The following FRYL variants were observed in gnomAD, a reference collection of about 807,000 sequenced individuals.
The protein encoded by FRYL is FRY like transcription coactivator.
In FRYL, 150 loss-of-function variants were observed where a neutral mutation model predicts 351.2. The observed-to-expected ratio is 0.43, with a 90% CI of 0.37 to 0.49. FRYL has a LOEUF of 0.49. Among genes scored for constraint, FRYL ranks in the 20% least tolerant of loss-of-function variants. FRYL has a pLI of 0.00. For missense variants in FRYL, 3,036 were observed against 3,619.3 expected (o/e 0.84, Z 4.13); for synonymous variants, 1,153 against 1,257.1 (o/e 0.92, Z 1.75).
rs1724807380 is a variant in FRYL, at chr4:48,521,113, G to T, written c.7624C>A (p.Gln2542Lys). Residue 2542 changes from glutamine to lysine, a missense_variant, in exon 55 of 64, where the codon CAA becomes AAA. Physicochemically the swap from Gln to Lys is moderately conservative, Grantham distance 53 (BLOSUM62 1). Coordinates refer to ENST00000358350, the MANE Select transcript of FRYL (RefSeq NM_015030.2). ...AAAGTTGGGGTCTCATCCCTGATTT[G>T]AAGCACTTCCTCTGTTGTGATGCTG... ...TGSITTEEVL[Q>K]IRDETPTLEA... 1 of 1,613,622 alleles carries T rather than the reference G, an allele frequency of 6.2e-7. No individual in the cohort carries two copies. Among genetic ancestry groups the T allele is most frequent in the African/African-American group, 1.3e-5 (1 of 74,902 alleles).
At chr4:48,616,451 T>C (rs1749451935) in intron 7 of FRYL, among the ~76,000 whole-genome samples, 1 of 152,156 alleles carries the variant, frequency 6.6e-6, no homozygotes, top group Non-Finnish European at 1.5e-5. Context: ...TTAATTCTTA[T>C]GATTCTACAA....
chr4:48,525,196 T>TATATATATATATATATAC (rs759279145), intron 53 of FRYL, among the ~76,000 whole-genome samples: 17 of 133,050 alleles, frequency 1.3e-4, no homozygotes, highest in African/African-American at 3.6e-4. Flanking sequence ...TATATATATA[T>TATATATATATATATATAC]ACACACACTT....
chr4:48,528,649 C>T (rs1022418984), intron 50 of FRYL, among the ~76,000 whole-genome samples: 3 of 151,994 alleles, frequency 2.0e-5, no homozygotes, highest in Non-Finnish European at 4.4e-5. Flanking sequence ...AAAATATACC[C>T]AAAACTCAGA....
At chr4:48,606,276 GAAAA>G (rs1040447059) in intron 10 of FRYL, among the ~76,000 whole-genome samples, 158 bp downstream of exon 10, 4 of 141,770 alleles carry the variant, frequency 2.8e-5, no homozygotes, top group Non-Finnish European at 6.2e-5. Flanking sequence ...CTGTCTCAAG[GAAAA>G]AAAAAAAATT....
intron 7 of FRYL, among the ~76,000 whole-genome samples, chr4:48,611,577 G>GGGA (rs959370859): frequency 6.6e-6 from 1 of 151,688 alleles, no homozygotes; most frequent in Admixed American, 6.6e-5. Context: ...TAGTAGTGCA[G>GGGA]GTCCTCTCCT....
intron 3 of FRYL, among the ~76,000 whole-genome samples, chr4:48,651,622 G>C (rs1318442353): frequency 6.6e-6 from 1 of 152,058 alleles, no homozygotes; most frequent in African/African-American, 2.4e-5. Flanking sequence ...CGAGAGAAAG[G>C]AACACGTTTT....
At chr4:48,577,888 A>C (rs149287777) in intron 23 of FRYL, among the ~76,000 whole-genome samples, 2,749 of 151,720 alleles carry the variant, frequency 0.018, 77 homozygotes, top group African/African-American at 0.062. Context: ...TAAAAAAAAA[A>C]CAAAAAACAA....
chr4:48,584,636 G>A (rs1458062358), intron 19 of FRYL, among the ~76,000 whole-genome samples: 3 of 152,184 alleles, frequency 2.0e-5, no homozygotes, highest in African/African-American at 7.2e-5. Context: ...CCATGAATAT[G>A]TAAATATCTA....
At position 48,561,592 on chromosome 4, in the gene FRYL, A is replaced by T; in HGVS notation, c.3741T>A (p.Val1247=). 1 of 1,612,348 alleles carries T rather than the reference A, an allele frequency of 6.2e-7. No individual in the cohort carries two copies. The highest frequency in any genetic ancestry group is 1.1e-5 in the South Asian group (1 of 90,792). Residue 1247 remains valine, a synonymous_variant, in exon 33 of 64, where the codon GTT becomes GTA. Transcript: ENST00000358350. The stretch of plus-strand genomic sequence containing the variant: ...GGCTGAGTACTCCATCTGTTCTCTG[A>T]ACCTCCAATTTGTGAGCATAGCGAA... ...KMFRYAHKLE[V]QRTDGVLSQL...
At chr4:48,511,420 T>TA (rs1722440605) in intron 57 of FRYL, among the ~76,000 whole-genome samples, 2 of 152,188 alleles carry the variant, frequency 1.3e-5, no homozygotes, top group African/African-American at 4.8e-5. Context: ...GTCATAAAAA[T>TA]GTATTAAGAG....
intron 3 of FRYL, chr4:48,653,575 A>G: frequency 4.6e-6 from 2 of 431,456 alleles, no homozygotes; most frequent in Non-Finnish European, 7.9e-6. Context: ...CTTACTGATT[A>G]CCATTCAAGA....
At chr4:48,581,046 T>G in intron 21 of FRYL, 95 bp from the exon 22 acceptor site, 1 of 278,830 alleles carries the variant, frequency 3.6e-6, no homozygotes, top group Non-Finnish European at 6.2e-6. Context: ...TCAGCACTAT[T>G]TTTTTTTTTT....
Position 48,540,009 on chromosome 4 carries a change from T to G in FRYL, c.6355A>C (p.Thr2119Pro), listed in dbSNP as rs752188535. The G allele has an allele frequency of 6.2e-7, 1 of 1,613,358 alleles. No individual in the cohort carries two copies. The highest frequency in any genetic ancestry group is 1.7e-5 in the Admixed American group (1 of 59,974). Residue 2119 changes from threonine to proline, a missense_variant, in exon 47 of 64, where the codon ACT becomes CCT. Around this residue, in one of 7 missense-constraint regions of FRYL, gnomAD observed 1,987 missense variants for 2,311.7 expected, o/e 0.86. Transcript: ENST00000358350. ...CTAGCTGTTTCTTTGCAAAACTGAG[T>G]TGGGCTGTCAAAATGCTGGATTAAG... ...PHLIQHFDSPTQFCKETASRI... is the reference protein window; with the variant it reads ...PHLIQHFDSPPQFCKETASRI...
intron 1 of FRYL, among the ~76,000 whole-genome samples, chr4:48,746,741 C>T (rs866450638): frequency 7.9e-5 from 12 of 152,074 alleles, no homozygotes; most frequent in African/African-American, 1.2e-4. Context: ...CTGCTATGCA[C>T]GTACCTATGA....
intron 1 of FRYL, among the ~76,000 whole-genome samples, chr4:48,756,836 T>TG (rs1773841806): frequency 6.6e-6 from 1 of 152,076 alleles, no homozygotes; most frequent in Non-Finnish European, 1.5e-5. Context: ...TAGTCCAAGC[T>TG]ACTTGGGAGG....
chr4:48,579,105 T>G lies in FRYL; in HGVS notation c.2396A>C (p.Asp799Ala), dbSNP rs1740298483. The change falls in exon 23 of 64, where the codon GAC (aspartate) becomes GCC (alanine). Residue 799 changes from aspartate (D) to alanine (A), a missense_variant. This residue lies in a region of FRYL where 492 missense variants were observed against 551.5 expected (regional missense o/e 0.89). Coordinates refer to ENST00000358350, the MANE Select transcript of FRYL (RefSeq NM_015030.2). ...WIFAHVTQGQ[D>A]PWIISLSSFL... is the part of the protein sequence containing the mutation. ...ACTGGAGAGACTTATAATCCATGGG[T>G]CTTGGCCTTGGGTCACATGTGCAAA... The G allele has an allele frequency of 6.2e-7, 1 of 1,614,050 alleles. No individual in the cohort carries two copies.
intron 1 of FRYL, among the ~76,000 whole-genome samples, chr4:48,731,098 C>A (rs1193104460): frequency 6.6e-6 from 1 of 151,208 alleles, no homozygotes; most frequent in South Asian, 2.1e-4. Context: ...AGACTTTAAA[C>A]CAACAAAGAC....
At chr4:48,548,609 T>C (rs1731961863) in intron 40 of FRYL, 81 bp downstream of exon 40, 1 of 790,120 alleles carries the variant, frequency 1.3e-6, no homozygotes, top group East Asian at 2.7e-5. Flanking sequence ...CAGAAACACA[T>C]AAAAACTGTC....
chr4:48,525,725 T>C (rs1726001804), intron 53 of FRYL, among the ~76,000 whole-genome samples: 1 of 151,878 alleles, frequency 6.6e-6, no homozygotes, highest in South Asian at 2.1e-4. Context: ...TGTATATGAG[T>C]TGTATATGTA....
Sources: gnomAD v4.1 joint callset for allele counts (sites outside exome capture counted in the v4.1 genomes callset) on GRCh38, gnomAD v4.1.1 for gene constraint, gnomAD v4.1.1 regional missense constraint, MANE v1.5 for transcripts, NCBI Gene and HGNC (gene_info 2026-07-23, HGNC 2026-07-21) for gene names.